The following EEF2KMT variants were observed in gnomAD, a reference collection of about 807,000 sequenced individuals.
EEF2KMT encodes the protein eukaryotic elongation factor 2 lysine methyltransferase.
Under a neutral mutation model 35.1 loss-of-function variants are expected in EEF2KMT, and 30 were observed. The ratio of observed to expected loss-of-function variants is 0.85; its 90% CI spans 0.64 to 1.16. The LOEUF (loss-of-function observed/expected upper bound fraction) is 1.16, where lower values mean the gene tolerates loss of function less well. Ranked by LOEUF, EEF2KMT falls within the 50% of genes most tolerant of loss-of-function variation. EEF2KMT has a pLI of 0.00. For missense variants in EEF2KMT, 499 were observed against 438.2 expected, an observed-to-expected ratio of 1.14 and a Z score of -1.24; for synonymous variants, 190 against 187.7, an observed-to-expected ratio of 1.01 and a Z score of -0.10.
At position 5,084,649 on chromosome 16, in the gene EEF2KMT, G is replaced by A. The variant is rs1957084573; in HGVS notation, c.*983C>T. On this transcript the variant is annotated 3_prime_UTR_variant, in exon 8 of 8. Transcript: ENST00000427587. The stretch of plus-strand genomic sequence containing the variant: ...AAGTGAGGGAGTTAGGGACTTGGGA[G>A]GGGTTGTTGTTGGGTCGGGGACCTG... 6 of 1,557,748 alleles carry A rather than the reference G, an allele frequency of 3.9e-6. No homozygotes were observed. In the South Asian group the frequency reaches 6.7e-5, roughly 18 times the overall value.
chr16:5,095,383 C>A (rs1417889981), intron 2 of EEF2KMT, 69 bp downstream of exon 2: 2 of 1,606,174 alleles, frequency 1.2e-6, no homozygotes, highest in South Asian at 2.2e-5. Context: ...ACCTGCAGTT[C>A]TTCTCTCAGG....
intron 7 of EEF2KMT, chr16:5,086,936 C>G (rs962039953): frequency 1.3e-5 from 2 of 152,204 alleles, no homozygotes; most frequent in African/African-American, 2.4e-5. Flanking sequence ...AAGCCTCAGC[C>G]TCTTACAGTG....
chr16:5,088,895 C>T (rs1957274567), intron 7 of EEF2KMT, among the ~76,000 whole-genome samples: 1 of 152,140 alleles, frequency 6.6e-6, no homozygotes, highest in Non-Finnish European at 1.5e-5. Context: ...GGGCTCAGAC[C>T]CTCCCTCCCT....
rs777417788 is a variant in EEF2KMT at position 5,084,829 on chromosome 16, G to A, written c.*803C>T. ...AACCTGCGGGAGTCGCAGCAGCTCC[G>A]ATGGGATGAGAGCTGGGTGCAGACT... is the stretch of plus-strand genomic sequence containing the variant. On this transcript the variant is annotated 3_prime_UTR_variant, in exon 8 of 8. Transcript: ENST00000427587. 17 of 1,596,344 alleles carry A rather than the reference G, an allele frequency of 1.1e-5. No homozygotes were observed. The highest frequency in any genetic ancestry group is 1.7e-5 in the Admixed American group (1 of 59,992).
In EEF2KMT at chr16:5,084,668, G is replaced by A; in HGVS notation, c.*964C>T. 6.3e-7 allele frequency: 1 copy of A among 1,588,518 alleles called. No individual in the cohort carries two copies. The highest frequency in any genetic ancestry group is 8.5e-7 in the Non-Finnish European group (1 of 1,174,324). On this transcript the variant is annotated 3_prime_UTR_variant, in exon 8 of 8. Transcript: ENST00000427587. ...TTGGGAGGGGTTGTTGTTGGGTCGG[G>A]GACCTGGGGTCAGCCAGGTGGTGAC...
In EEF2KMT at chr16:5,097,786, G is replaced by A. The variant is rs762192779; in HGVS notation, c.-47C>T. ...TTGCCGGCAGACCGGGCGGAAGCCC[G>A]GCCTGGACTGAAGAGGGGGCGGGCC... On this transcript the variant is annotated 5_prime_UTR_variant, in exon 1 of 8. Transcript: ENST00000427587. 3.3e-6 allele frequency: 5 copies of A among 1,529,234 alleles called. No individual in the cohort carries two copies. The Admixed American group carries it at 7.9e-5, about 24-fold the overall frequency. The allele number at this position is 1,529,234 out of a possible 1,614,324, so 94.7% of individuals were successfully genotyped here. A position where few individuals can be genotyped will look rare whatever the true frequency, so the allele number is the denominator to read the frequency against.
chr16:5,095,203 C>G (rs527387269), intron 2 of EEF2KMT, among the ~76,000 whole-genome samples: 1 of 152,342 alleles, frequency 6.6e-6, no homozygotes, highest in East Asian at 1.9e-4. Flanking sequence ...AAAAAACATT[C>G]CCTAGATTCC....
In EEF2KMT at chr16:5,097,715, T is replaced by A; in HGVS notation, c.25A>T (p.Thr9Ser). The A allele has an allele frequency of 6.4e-7, 1 of 1,573,478 alleles. No homozygotes were observed. The stretch of plus-strand genomic sequence containing the variant: ...TCGAAACTCTGCAGCAAGAGTTCGG[T>A]CCCCGCGTTCTCCTCGGGCGCCATG... MAPEENAG[T>S]ELLLQSFERR... Residue 9 changes from threonine (T) to serine (S), a missense_variant, in exon 1 of 8, where the codon ACC becomes TCC. Transcript: ENST00000427587.
chr16:5,084,667 G>C lies in EEF2KMT; in HGVS notation c.*965C>G, dbSNP rs1295772623. On this transcript the variant is annotated 3_prime_UTR_variant, in exon 8 of 8. Coordinates refer to ENST00000427587, the MANE Select transcript of EEF2KMT (RefSeq NM_201400.4). ...CTTGGGAGGGGTTGTTGTTGGGTCGGGGACCTGGGGTCAGCCAGGTGGTGA... is the reference window on the plus strand; with the variant it reads ...CTTGGGAGGGGTTGTTGTTGGGTCGCGGACCTGGGGTCAGCCAGGTGGTGA... 2.0e-5 allele frequency: 32 copies of C among 1,588,436 alleles called. No homozygotes were observed. The highest frequency in any genetic ancestry group is 3.4e-5 in the Admixed American group (2 of 58,844).
chr16:5,090,272 A>T lies in EEF2KMT; in HGVS notation c.554T>A (p.Ile185Asn). 1 of 1,612,028 alleles carries T rather than the reference A, an allele frequency of 6.2e-7. No individual in the cohort carries two copies. Among genetic ancestry groups the T allele is most frequent in the Non-Finnish European group, 8.5e-7 (1 of 1,179,852 alleles). ...GACCCGGCTGTGACAGTCGCTGAAG[A>T]TGTATGCCCGGGGGCGGCACATCTT... The part of the protein sequence containing the change: ...ICKMCRPRAY[I>N]FSDCHSRVLE... The change falls in exon 6 of 8, where the codon ATC becomes AAC. Residue 185 changes from isoleucine to asparagine, a missense_variant. Transcript: ENST00000427587. The surrounding 1 kb of genome is among the most constrained non-coding windows in gnomAD (Gnocchi z 4.1).
At chr16:5,091,312 C>T (rs1436143428) in intron 4 of EEF2KMT, among the ~76,000 whole-genome samples, 1 of 152,202 alleles carries the variant, frequency 6.6e-6, no homozygotes, top group Non-Finnish European at 1.5e-5. Flanking sequence ...AAACTCCTGA[C>T]CTCAGGTGAT....
At chr16:5,095,701 G>A (rs1400850799) in intron 1 of EEF2KMT, among the ~76,000 whole-genome samples, 187 bp from the exon 2 acceptor site, 1 of 152,136 alleles carries the variant, frequency 6.6e-6, no homozygotes, top group African/African-American at 2.4e-5. Flanking sequence ...TGAGTCACAG[G>A]AAGAAGGCTG....
chr16:5,088,142 A>C (rs543295967), intron 7 of EEF2KMT, among the ~76,000 whole-genome samples: 24 of 151,924 alleles, frequency 1.6e-4, no homozygotes, highest in Non-Finnish European at 2.1e-4. Context: ...GGGTCCCACT[A>C]TGTGGCCCAG....
In EEF2KMT at chr16:5,090,515, G is replaced by A. The variant is rs762981782; in HGVS notation, c.393C>T (p.Tyr131=). The A allele has an allele frequency of 1.8e-5, 29 of 1,611,924 alleles. No individual in the cohort carries two copies. The Admixed American group carries it at 2.8e-4, about 16-fold the overall frequency. ...TLSESTAIIS[Y]GTTGLVTWDA... is the part of the protein sequence containing the mutation. Reference sequence around the variant, plus strand: ...CCCATGTGACCAGGCCTGTGGTACCGTAGGAGATGATGGCCGTGCTCTCGG... The same window carrying A: ...CCCATGTGACCAGGCCTGTGGTACCATAGGAGATGATGGCCGTGCTCTCGG... Residue 131 remains tyrosine (Y), a synonymous_variant, in exon 5 of 8, where the codon TAC becomes TAT. Transcript: ENST00000427587. This position sits in a 1 kb window ranked among gnomAD's most constrained non-coding sequence, Gnocchi z 4.1.
chr16:5,085,393 A>G lies in EEF2KMT; in HGVS notation c.*239T>C, dbSNP rs531718461. On this transcript the variant is annotated 3_prime_UTR_variant, in exon 8 of 8. Coordinates refer to ENST00000427587, the MANE Select transcript of EEF2KMT (RefSeq NM_201400.4). ...AAGAAAATGCTATTTTTGGAGCCAG[A>G]ATTTTCATGTCTGATTTATGGTGAT... 7 of 555,746 alleles carry G rather than the reference A, an allele frequency of 1.3e-5. No homozygotes were observed. Among genetic ancestry groups the G allele is most frequent in the Non-Finnish European group, 2.0e-5 (6 of 301,558 alleles). The allele number at this position is 555,746 out of a possible 1,614,324, so 34.4% of individuals were successfully genotyped here. A position where few individuals can be genotyped will look rare whatever the true frequency, so the allele number is the denominator to read the frequency against.
At chr16:5,091,457 C>G (rs1302330279) in intron 4 of EEF2KMT, among the ~76,000 whole-genome samples, 1 of 152,190 alleles carries the variant, frequency 6.6e-6, no homozygotes, top group Non-Finnish European at 1.5e-5. Context: ...ACCTCAGATG[C>G]AACCACTTCG....
chr16:5,087,154 G>A (rs1957207799), intron 7 of EEF2KMT: 1 of 148,700 alleles, frequency 6.7e-6, no homozygotes, highest in South Asian at 2.2e-4. Context: ...CACACTGGAA[G>A]AAGAAGAATC....
In EEF2KMT at chr16:5,097,774, G is replaced by A. The variant is rs768290968; in HGVS notation, c.-35C>T. Reference sequence around the variant, plus strand: ...GGGGCCGCAGCGTTGCCGGCAGACCGGGCGGAAGCCCGGCCTGGACTGAAG... The same window carrying A: ...GGGGCCGCAGCGTTGCCGGCAGACCAGGCGGAAGCCCGGCCTGGACTGAAG... On this transcript the variant is annotated 5_prime_UTR_variant, in exon 1 of 8. Coordinates refer to ENST00000427587, the MANE Select transcript of EEF2KMT (RefSeq NM_201400.4). The A allele has an allele frequency of 6.5e-6, 10 of 1,536,822 alleles. No homozygotes were observed. The highest frequency in any genetic ancestry group is 7.0e-6 in the Non-Finnish European group (8 of 1,147,438).
chr16:5,086,406 G>A (rs576923101), intron 7 of EEF2KMT: 1 of 151,126 alleles, frequency 6.6e-6, no homozygotes, highest in South Asian at 2.1e-4. Context: ...AGGGGCTGCT[G>A]TTCTCATAAG....
Sources: allele counts gnomAD v4.1 joint callset (sites outside exome capture counted in the v4.1 genomes callset), GRCh38; gene constraint gnomAD v4.1.1; non-coding constraint Gnocchi (gnomAD v3.1); transcripts MANE v1.5; gene names NCBI Gene and HGNC (gene_info 2026-07-23, HGNC 2026-07-21).